The following SH3RF3 variants were observed in gnomAD, a reference collection of about 807,000 sequenced individuals.
SH3RF3 encodes SH3 domain containing ring finger 3, also known as E3 ubiquitin-protein ligase SH3RF3.
Under a neutral mutation model 66.3 loss-of-function variants are expected in SH3RF3, and 29 were observed. That is an observed-to-expected ratio of 0.44 (90% CI 0.33 to 0.60). The LOEUF is 0.60. Among genes scored for constraint, SH3RF3 ranks in the 20% least tolerant of loss-of-function variants. SH3RF3 has a pLI of 0.04. For missense variants in SH3RF3, 1,194 were observed against 1,190.9 expected (o/e 1.00, Z -0.04); for synonymous variants, 583 against 532.0 (o/e 1.10, Z -1.32).
rs995623404 is a variant in SH3RF3, at chr2:109,308,316, G to T, written c.574-39358G>T. 2.6e-5 allele frequency among the ~76,000 whole-genome samples: 3 copies of T among 113,800 alleles called. 1 individual carries two copies. Among genetic ancestry groups the T allele is most frequent in the African/African-American group, 1.4e-4 (3 of 21,680 alleles). 74.7% of individuals were successfully genotyped at this position (113,800 alleles called of 152,430 possible). On this transcript the variant is annotated intron_variant, in intron 1 of 9. Coordinates refer to ENST00000309415, the MANE Select transcript of SH3RF3 (RefSeq NM_001099289.3). ...TTGTTTGAGTTCATTGTAGATTCTGGATATTAGCCCTTTGTCAGATGAGTA... is the reference window on the plus strand; with the variant it reads ...TTGTTTGAGTTCATTGTAGATTCTGTATATTAGCCCTTTGTCAGATGAGTA...
intron 4 of SH3RF3, among the ~76,000 whole-genome samples, chr2:109,399,656 T>A (rs555499847): frequency 2.0e-5 from 3 of 152,332 alleles, no homozygotes; most frequent in Non-Finnish European, 2.9e-5. Context: ...TAAAAAAATT[T>A]TTAAATAATG....
chr2:109,224,940 C>A (rs1293518423), intron 1 of SH3RF3, among the ~76,000 whole-genome samples: 1 of 152,060 alleles, frequency 6.6e-6, no homozygotes, highest in Non-Finnish European at 1.5e-5. Context: ...CTCTAATGGA[C>A]AGCTAGAGAA....
At position 109,364,297 on chromosome 2, in the gene SH3RF3, C is replaced by T. The variant is rs545613925; in HGVS notation, c.850-7289C>T. 3.3e-4 allele frequency among the ~76,000 whole-genome samples: 50 copies of T among 152,116 alleles called. No individual in the cohort carries two copies. In the South Asian group the frequency reaches 1.0e-2, roughly 30 times the overall value. On this transcript the variant is annotated intron_variant, in intron 2 of 9. Coordinates refer to ENST00000309415, the MANE Select transcript of SH3RF3 (RefSeq NM_001099289.3). The stretch of plus-strand genomic sequence containing the variant: ...AGCACGTCGAAGGCATTCTTCATTT[C>T]TGCTACAGGGTTTTTGATTGCTAAC...
intron 1 of SH3RF3, among the ~76,000 whole-genome samples, chr2:109,287,873 CT>C (rs1681068089): frequency 1.3e-5 from 2 of 152,252 alleles, no homozygotes. Context: ...TATAGTTTTT[CT>C]TTTGCTAACT....
intron 1 of SH3RF3, among the ~76,000 whole-genome samples, chr2:109,163,201 G>A (rs773469913): frequency 2.4e-4 from 36 of 152,074 alleles, no homozygotes; most frequent in Non-Finnish European, 4.4e-4. Flanking sequence ...AGGAACTCGC[G>A]GGCAGCTTTG....
At chr2:109,239,347 G>A (rs1044655605) in intron 1 of SH3RF3, among the ~76,000 whole-genome samples, 1 of 152,098 alleles carries the variant, frequency 6.6e-6, no homozygotes, top group Non-Finnish European at 1.5e-5. Flanking sequence ...AAGATTCAAT[G>A]GGTCATTTCC....
intron 1 of SH3RF3, among the ~76,000 whole-genome samples, chr2:109,221,734 G>A (rs1679248752): frequency 6.6e-6 from 1 of 152,096 alleles, no homozygotes; most frequent in South Asian, 2.1e-4. Context: ...GTGGAGAAAA[G>A]GGAACTCACA....
chr2:109,423,813 C>T (rs1349683394), intron 5 of SH3RF3, among the ~76,000 whole-genome samples: 1 of 152,192 alleles, frequency 6.6e-6, no homozygotes, highest in East Asian at 1.9e-4. Flanking sequence ...GAGAGTGAGC[C>T]TGAGAACCAG....
chr2:109,394,924 G>A (rs570759585), intron 3 of SH3RF3, among the ~76,000 whole-genome samples: 2 of 152,356 alleles, frequency 1.3e-5, no homozygotes, highest in East Asian at 3.9e-4. Context: ...GGGAGCCGCC[G>A]TCCCGCACAG....
chr2:109,427,977 C>T (rs1677082395), intron 5 of SH3RF3, among the ~76,000 whole-genome samples: 1 of 152,264 alleles, frequency 6.6e-6, no homozygotes, highest in Admixed American at 6.5e-5. Context: ...TCCTGGTCGC[C>T]TCTGAGCTCC....
chr2:109,455,230 G>A (rs1354273319), intron 8 of SH3RF3, among the ~76,000 whole-genome samples: 4 of 152,168 alleles, frequency 2.6e-5, no homozygotes, highest in South Asian at 2.1e-4. Context: ...CCAGGGTAGC[G>A]GCTGGCAGGA....
intron 4 of SH3RF3, 144 bp downstream of exon 4, chr2:109,399,087 C>A: frequency 2.1e-6 from 2 of 971,516 alleles, no homozygotes; most frequent in Non-Finnish European, 3.0e-6. Flanking sequence ...TTGCCCTTTG[C>A]TGCCTGGCAC....
intron 3 of SH3RF3, among the ~76,000 whole-genome samples, chr2:109,396,449 G>A (rs918072977): frequency 1.8e-4 from 28 of 152,254 alleles, no homozygotes; most frequent in Non-Finnish European, 2.9e-5. Flanking sequence ...TCTGAAGGCA[G>A]CTGGAACCTG....
At chr2:109,259,991 C>A (rs1680311591) in intron 1 of SH3RF3, among the ~76,000 whole-genome samples, 1 of 152,148 alleles carries the variant, frequency 6.6e-6, no homozygotes. Context: ...GTTCTCTTTT[C>A]TTCTCCGGCC....
chr2:109,412,841 T>G (rs1406400280), intron 4 of SH3RF3, among the ~76,000 whole-genome samples: 1 of 152,244 alleles, frequency 6.6e-6, no homozygotes, highest in Non-Finnish European at 1.5e-5. Flanking sequence ...TTTCCTGACT[T>G]CTTGCCATGA....
At chr2:109,247,791 C>A (rs1430887170) in intron 1 of SH3RF3, among the ~76,000 whole-genome samples, 1 of 152,140 alleles carries the variant, frequency 6.6e-6, no homozygotes. Flanking sequence ...ATTTAACTCA[C>A]TGTTGTGTGT....
intron 3 of SH3RF3, among the ~76,000 whole-genome samples, chr2:109,376,942 C>T (rs1683402133): frequency 6.6e-6 from 1 of 152,250 alleles, no homozygotes; most frequent in African/African-American, 2.4e-5. Context: ...AATGTGAGGA[C>T]AGACAGAGAT....
chr2:109,437,219 C>A, intron 7 of SH3RF3, 73 bp downstream of exon 7: 2 of 1,515,700 alleles, frequency 1.3e-6, no homozygotes, highest in East Asian at 4.7e-5. Context: ...TGAGACACAT[C>A]TTGGCCCAAG....
intron 1 of SH3RF3, among the ~76,000 whole-genome samples, chr2:109,211,073 A>G (rs923800161): frequency 1.3e-5 from 2 of 152,178 alleles, no homozygotes; most frequent in Admixed American, 1.3e-4. Context: ...GGTAGGGAGC[A>G]CACCTTTTTG....
Sources: gnomAD v4.1 joint callset for allele counts (sites outside exome capture counted in the v4.1 genomes callset) on GRCh38, gnomAD v4.1.1 for gene constraint, MANE v1.5 for transcripts, NCBI Gene and HGNC (gene_info 2026-07-23, HGNC 2026-07-21) for gene names.